ZNF804B: variants seen among roughly 807,000 people sequenced by gnomAD.
ZNF804B encodes zinc finger 804B.
Under a neutral mutation model 101.4 loss-of-function variants are expected in ZNF804B, and 80 were observed. The observed-to-expected ratio is 0.79, with a 90% CI of 0.66 to 0.95. The LOEUF (loss-of-function observed/expected upper bound fraction) is 0.95. ZNF804B is among the 40% of genes least tolerant of loss of function. The pLI is 0.00. For missense variants in ZNF804B, 1,673 were observed against 1,561.9 expected (o/e 1.07, Z -1.20); for synonymous variants, 622 against 558.8 (o/e 1.11, Z -1.59).
intron 1 of ZNF804B, among the ~76,000 whole-genome samples, chr7:89,094,184 T>C (rs1789937224): frequency 2.6e-5 from 4 of 152,206 alleles, no homozygotes; most frequent in Admixed American, 2.6e-4. Flanking sequence ...AGGTCACATG[T>C]TCATTCTAAA....
At chr7:89,051,609 A>T (rs148909731) in intron 1 of ZNF804B, among the ~76,000 whole-genome samples, 52 of 152,278 alleles carry the variant, frequency 3.4e-4, no homozygotes, top group African/African-American at 9.9e-4. Context: ...GAGATTTAAC[A>T]TCTTTTCATA....
At chr7:88,896,961 A>G (rs1792298828) in intron 1 of ZNF804B, among the ~76,000 whole-genome samples, 1 of 152,238 alleles carries the variant, frequency 6.6e-6, no homozygotes, top group Admixed American at 6.5e-5. Context: ...TTATGAGTTA[A>G]TCACAAGTTG....
At chr7:88,837,457 T>C (rs995809235) in intron 1 of ZNF804B, among the ~76,000 whole-genome samples, 1 of 151,956 alleles carries the variant, frequency 6.6e-6, no homozygotes, top group African/African-American at 2.4e-5. Flanking sequence ...CATGTTAGTA[T>C]TGGAAGAACT....
chr7:88,918,023 A>G lies in ZNF804B; in HGVS notation c.108+157939A>G, dbSNP rs558021063. Among the ~76,000 whole-genome samples, 11 of 152,300 alleles carry G rather than the reference A, an allele frequency of 7.2e-5. No individual in the cohort carries two copies. In the East Asian group the frequency reaches 2.1e-3, roughly 29 times the overall value. On this transcript the variant is annotated intron_variant, in intron 1 of 3. Coordinates refer to ENST00000333190, the MANE Select transcript of ZNF804B (RefSeq NM_181646.5). ...AAAATAATATGAGAAATATGTGGGC[A>G]TTATTATTAGCAAAAACTACCTTGG... is the stretch of plus-strand genomic sequence containing the variant.
chr7:89,165,144 T>G (rs1290382003), intron 1 of ZNF804B, among the ~76,000 whole-genome samples: 1 of 152,138 alleles, frequency 6.6e-6, no homozygotes, highest in Non-Finnish European at 1.5e-5. Context: ...TGCTTCATGC[T>G]ACAACTGTAT....
intron 1 of ZNF804B, among the ~76,000 whole-genome samples, chr7:89,023,909 A>G (rs548102981): frequency 1.3e-5 from 2 of 152,206 alleles, no homozygotes; most frequent in Non-Finnish European, 2.9e-5. Flanking sequence ...TTAAACTGAT[A>G]ATAAATTACA....
At chr7:88,843,262 T>A (rs1163105773) in intron 1 of ZNF804B, among the ~76,000 whole-genome samples, 3 of 152,166 alleles carry the variant, frequency 2.0e-5, no homozygotes, top group African/African-American at 7.2e-5. Context: ...TTATTCCTCA[T>A]GTAATTATGA....
intron 1 of ZNF804B, among the ~76,000 whole-genome samples, chr7:88,762,200 A>G (rs1236476924): frequency 6.6e-6 from 1 of 152,368 alleles, no homozygotes; most frequent in East Asian, 1.9e-4. Context: ...ATTAAATGAT[A>G]TATGTACTTT....
At chr7:89,009,911 C>A (rs12540717) in intron 1 of ZNF804B, among the ~76,000 whole-genome samples, 2 of 152,098 alleles carry the variant, frequency 1.3e-5, no homozygotes, top group Admixed American at 6.6e-5. Flanking sequence ...TTCCAAATCC[C>A]ATGGGAGAGA....
chr7:89,251,636 T>C (rs1789542387), intron 2 of ZNF804B, among the ~76,000 whole-genome samples: 1 of 151,532 alleles, frequency 6.6e-6, no homozygotes, highest in African/African-American at 2.4e-5. Flanking sequence ...CCAAAATAGC[T>C]CTTCAAACCA....
intron 1 of ZNF804B, among the ~76,000 whole-genome samples, chr7:88,921,865 C>A (rs992554319): frequency 6.6e-6 from 1 of 151,974 alleles, no homozygotes; most frequent in African/African-American, 2.4e-5. Flanking sequence ...ATTGTATCAA[C>A]ATTTAAAAAA....
intron 1 of ZNF804B, among the ~76,000 whole-genome samples, chr7:88,907,417 G>T (rs1250738690): frequency 6.6e-6 from 1 of 151,970 alleles, no homozygotes; most frequent in African/African-American, 2.4e-5. Flanking sequence ...GTAGATGTGT[G>T]ATTTTAAAAG....
At chr7:89,159,559 T>G (rs1282376613) in intron 1 of ZNF804B, among the ~76,000 whole-genome samples, 3 of 152,014 alleles carry the variant, frequency 2.0e-5, no homozygotes, top group African/African-American at 7.2e-5. Context: ...TGGAACAGAG[T>G]GGGCATGTAT....
At chr7:89,132,167 CAT>C (rs1491085212) in intron 1 of ZNF804B, among the ~76,000 whole-genome samples, 3,146 of 60,748 alleles carry the variant, frequency 0.052, 47 homozygotes, top group African/African-American at 0.081. Flanking sequence ...CACACGCACA[CAT>C]ACACACACAC....
chr7:89,078,924 A>G (rs559430478), intron 1 of ZNF804B, among the ~76,000 whole-genome samples: 4 of 152,158 alleles, frequency 2.6e-5, no homozygotes, highest in African/African-American at 9.6e-5. Context: ...AAGGAGATGG[A>G]GTATGGGGCC....
intron 1 of ZNF804B, among the ~76,000 whole-genome samples, chr7:89,171,558 C>T (rs1162738970): frequency 5.9e-5 from 9 of 151,902 alleles, no homozygotes; most frequent in South Asian, 2.1e-4. Flanking sequence ...CCTCAGCCTC[C>T]GGAGTAGCTG....
chr7:88,781,303 G>T (rs2115659889), intron 1 of ZNF804B, among the ~76,000 whole-genome samples: 1 of 152,258 alleles, frequency 6.6e-6, no homozygotes, highest in South Asian at 2.1e-4. Context: ...TTGAAGTGTA[G>T]CTCATGTTCT....
intron 1 of ZNF804B, among the ~76,000 whole-genome samples, chr7:89,197,506 T>A (rs1328094489): frequency 6.6e-6 from 1 of 151,962 alleles, no homozygotes; most frequent in East Asian, 1.9e-4. Flanking sequence ...TTTCTTCCTC[T>A]TTTCTTCCAT....
intron 1 of ZNF804B, among the ~76,000 whole-genome samples, chr7:88,826,959 T>C (rs1027080821): frequency 1.3e-5 from 2 of 152,226 alleles, no homozygotes; most frequent in Non-Finnish European, 1.5e-5. Context: ...AAAACAGTTG[T>C]CCCCATTATT....
Sources: allele counts gnomAD v4.1 joint callset (sites outside exome capture counted in the v4.1 genomes callset), GRCh38; gene constraint gnomAD v4.1.1; transcripts MANE v1.5; gene names NCBI Gene and HGNC (gene_info 2026-07-23, HGNC 2026-07-21).